Variants in PPM1A observed in about 807,000 individuals in gnomAD.
PPM1A encodes protein phosphatase, Mg2+/Mn2+ dependent 1A.
Under a neutral mutation model 35.0 loss-of-function variants are expected in PPM1A, and 7 were observed. The observed-to-expected ratio is 0.20, with a 90% CI of 0.11 to 0.38. The LOEUF (loss-of-function observed/expected upper bound fraction) is 0.38, where lower values mean the gene tolerates loss of function less well. Among genes scored for constraint, PPM1A ranks in the 10% least tolerant of loss-of-function variants. The pLI is 1.00. For synonymous variants in PPM1A, 153 were observed against 167.3 expected (o/e 0.91, Z 0.66); for missense variants, 239 against 467.8 (o/e 0.51, Z 4.51).
chr14:60,291,426 G>A lies in PPM1A; in HGVS notation c.1091G>A (p.Arg364Lys). The A allele has an allele frequency of 6.3e-7, 1 of 1,577,352 alleles. No homozygotes were observed. The highest frequency in any genetic ancestry group is 8.6e-7 in the Non-Finnish European group (1 of 1,157,512). The change falls in exon 5 of 6, where the codon AGA becomes AAA. Residue 364 changes from arginine (R) to lysine (K), a missense_variant. Physicochemically the swap from Arg to Lys is conservative, Grantham distance 26. Around this residue, in one of 2 missense-constraint regions of PPM1A, gnomAD observed 64 missense variants for 78.6 expected, o/e 0.81. Transcript: ENST00000395076. Reference sequence around the variant, plus strand: ...AATGTTATTGAAGCCGTTTACAATAGACTGAATCCTTACAAAAATGACGAC... The same window carrying A: ...AATGTTATTGAAGCCGTTTACAATAAACTGAATCCTTACAAAAATGACGAC... ...KRNVIEAVYN[R>K]LNPYKNDDTD...
chr14:60,298,115 CAT>C lies in PPM1A; in HGVS notation c.*5635_*5636del, dbSNP rs1354726387. The stretch of plus-strand genomic sequence containing the variant: ...AAGTGATTAAAAGGTGAAAAAAAAA[CAT>C]AGTATTCAGAAGTTTTGGAGGTTAA... On this transcript the variant is annotated 3_prime_UTR_variant, in exon 6 of 6. Coordinates refer to ENST00000395076, the MANE Select transcript of PPM1A (RefSeq NM_021003.5). The C allele has an allele frequency of 6.6e-6, 1 of 151,080 alleles. No homozygotes were observed. The highest frequency in any genetic ancestry group is 1.9e-4 in the East Asian group (1 of 5,172). 9.4% of individuals were successfully genotyped at this position (151,080 alleles called of 1,614,324 possible). A position where few individuals can be genotyped will look rare whatever the true frequency, so the allele number is the denominator to read the frequency against.
intron 1 of PPM1A, among the ~76,000 whole-genome samples, chr14:60,264,178 T>C (rs902176718): frequency 2.6e-5 from 4 of 152,216 alleles, no homozygotes. Context: ...TGCATTACTT[T>C]GTTTTTCAGC....
chr14:60,291,577 G>A, intron 5 of PPM1A, 123 bp downstream of exon 5: 3 of 654,494 alleles, frequency 4.6e-6, no homozygotes. Flanking sequence ...CTGATTGATT[G>A]CTCTGAACTC....
intron 3 of PPM1A, chr14:60,285,985 A>T (rs962666461): frequency 8.8e-7 from 1 of 1,135,866 alleles, no homozygotes; most frequent in Non-Finnish European, 1.1e-6. Flanking sequence ...CTTTTGTTTT[A>T]AAAGGCTAAA....
upstream of PPM1A, chr14:60,246,021 G>C (rs756484147): frequency 1.3e-6 from 2 of 1,579,084 alleles, no homozygotes; most frequent in Non-Finnish European, 1.7e-6. Context: ...TGAAGAGGAT[G>C]TGTGAGAGAA....
intron 1 of PPM1A, among the ~76,000 whole-genome samples, chr14:60,271,690 A>C (rs745447820): frequency 2.0e-4 from 30 of 152,144 alleles, no homozygotes; most frequent in Non-Finnish European, 3.7e-4. Flanking sequence ...CCTAGTTTGT[A>C]GCTGCTTTTT....
At chr14:60,255,189 T>TTTTAAA in intron 1 of PPM1A, among the ~76,000 whole-genome samples, 1 of 130,950 alleles carries the variant, frequency 7.6e-6, no homozygotes, top group African/African-American at 3.4e-5. Flanking sequence ...GTTTTGTTTT[T>TTTTAAA]GAGACAGAGT....
In PPM1A at chr14:60,284,107, G is replaced by A. The variant is rs564080242; in HGVS notation, c.834+570G>A. On this transcript the variant is annotated intron_variant, in intron 2 of 5. Coordinates refer to ENST00000395076, the MANE Select transcript of PPM1A (RefSeq NM_021003.5). ...TAATCAGTTTTTTTCATCATAAAAA[G>A]GATAAGACATTATTATCTTGTCTCA... Among the ~76,000 whole-genome samples the A allele has an allele frequency of 1.8e-4, 28 of 152,256 alleles. 1 individual carries two copies. The highest frequency in any genetic ancestry group is 1.2e-3 in the South Asian group (6 of 4,824).
rs1887916890 is a variant in PPM1A at position 60,294,672 on chromosome 14, T to G, written c.*2190T>G. ...AAACTTAAGTCACAAGTAGAGTATGTGATGGAAAGCTGTATTTCAAACCAT... is the reference window on the plus strand; with the variant it reads ...AAACTTAAGTCACAAGTAGAGTATGGGATGGAAAGCTGTATTTCAAACCAT... On this transcript the variant is annotated 3_prime_UTR_variant, in exon 6 of 6. Coordinates refer to ENST00000395076, the MANE Select transcript of PPM1A (RefSeq NM_021003.5). The G allele has an allele frequency of 6.6e-6, 1 of 151,720 alleles. No homozygotes were observed. The highest frequency in any genetic ancestry group is 1.5e-5 in the Non-Finnish European group (1 of 67,786). 9.4% of individuals were successfully genotyped at this position (151,720 alleles called of 1,614,324 possible). A position where few individuals can be genotyped will look rare whatever the true frequency, so the allele number is the denominator to read the frequency against.
chr14:60,287,729 C>T (rs1473971662), intron 3 of PPM1A: 70 of 984,698 alleles, frequency 7.1e-5, no homozygotes, highest in Non-Finnish European at 8.2e-5. Context: ...ATACTTGACT[C>T]TCTGGGGGTG....
Position 60,292,529 on chromosome 14 carries a change from T to C in PPM1A, c.*47T>C, listed in dbSNP as rs750406687. The C allele has an allele frequency of 2.0e-6, 3 of 1,512,088 alleles. No homozygotes were observed. Among genetic ancestry groups the C allele is most frequent in the African/African-American group, 1.4e-5 (1 of 72,462 alleles). The allele number at this position is 1,512,088 out of a possible 1,614,324, so 93.7% of individuals were successfully genotyped here. Reference sequence around the variant, plus strand: ...GTTTACCTTCACCTCCAAAGGAGAGTACAGCTCAACTTTGTTGAAACTTTT... The same window carrying C: ...GTTTACCTTCACCTCCAAAGGAGAGCACAGCTCAACTTTGTTGAAACTTTT... On this transcript the variant is annotated 3_prime_UTR_variant, in exon 6 of 6. Transcript: ENST00000395076. This position sits in a 1 kb window ranked among gnomAD's most constrained non-coding sequence, Gnocchi z 4.2.
Position 60,282,498 on chromosome 14 carries a change from G to GT in PPM1A, c.-20-186_-20-185insT, listed in dbSNP as rs1886523378. ...TGCCTTTTTGTCTGTTGTGATCTGT[G>GT]CTTCATCAGGCTTTCCCCCAGTTCC... On this transcript the variant is annotated intron_variant, in intron 1 of 5. Coordinates refer to ENST00000395076, the MANE Select transcript of PPM1A (RefSeq NM_021003.5). This position sits in a 1 kb window ranked among gnomAD's most constrained non-coding sequence, Gnocchi z 5.1. Among the ~76,000 whole-genome samples the GT allele has an allele frequency of 6.6e-6, 1 of 152,116 alleles. No homozygotes were observed. The highest frequency in any genetic ancestry group is 1.5e-5 in the Non-Finnish European group (1 of 68,040).
At chr14:60,268,215 C>G in intron 1 of PPM1A, 1 of 834,586 alleles carries the variant, frequency 1.2e-6, no homozygotes, top group Non-Finnish European at 1.4e-6. Context: ...GTTCTTTAGT[C>G]TTTTTGCATT....
At chr14:60,272,717 A>C (rs1453122595) in intron 1 of PPM1A, among the ~76,000 whole-genome samples, 1 of 142,184 alleles carries the variant, frequency 7.0e-6, no homozygotes, top group Admixed American at 6.9e-5. Context: ...AAAAAAAAAG[A>C]CACAGAAGAC....
chr14:60,287,547 G>A (rs1275182883), intron 3 of PPM1A: 1 of 985,146 alleles, frequency 1.0e-6, no homozygotes, highest in African/African-American at 1.7e-5. Flanking sequence ...GCACCTGAAT[G>A]CCTTTTTCTT....
At chr14:60,249,186 A>C, upstream of PPM1A, 1 of 972,320 alleles carries the variant, frequency 1.0e-6, no homozygotes, top group Non-Finnish European at 1.2e-6. The surrounding 1 kb of genome is among the most constrained non-coding windows in gnomAD (Gnocchi z 4.5). Flanking sequence ...GGGAGGGGCG[A>C]CGCGGTCGTG....
chr14:60,250,103 C>CA (rs1398018104), intron 1 of PPM1A, among the ~76,000 whole-genome samples: 1 of 151,810 alleles, frequency 6.6e-6, no homozygotes, highest in African/African-American at 2.4e-5. Flanking sequence ...TCCTGGGCTT[C>CA]AGCCCCTGGG....
At chr14:60,287,976 A>G (rs1595369557) in intron 3 of PPM1A, 5 of 983,106 alleles carry the variant, frequency 5.1e-6, no homozygotes, top group East Asian at 1.1e-4. Context: ...ATATATAAAT[A>G]TTCTTTAGAA....
chr14:60,280,819 G>C (rs931539876), intron 1 of PPM1A, among the ~76,000 whole-genome samples: 1 of 152,108 alleles, frequency 6.6e-6, no homozygotes, highest in African/African-American at 2.4e-5. Flanking sequence ...ACCCTACCCT[G>C]GAAATTCTGA....
Sources: gnomAD v4.1 joint callset for allele counts (sites outside exome capture counted in the v4.1 genomes callset) on GRCh38, gnomAD v4.1.1 for gene constraint, gnomAD v4.1.1 regional missense constraint, Gnocchi (gnomAD v3.1) non-coding constraint, MANE v1.5 for transcripts, NCBI Gene and HGNC (gene_info 2026-07-23, HGNC 2026-07-21) for gene names.